Variants in SUMF1 observed in about 807,000 individuals in gnomAD.
SUMF1 encodes the protein formylglycine-generating enzyme.
A neutral mutation model predicts 47.6 loss-of-function variants in SUMF1; 48 were observed. The ratio of observed to expected loss-of-function variants is 1.01; its 90% CI spans 0.80 to 1.28. The LOEUF (loss-of-function observed/expected upper bound fraction) is 1.28, where lower values mean the gene tolerates loss of function less well. Ranked by LOEUF, SUMF1 falls within the 50% of genes most tolerant of loss-of-function variation. SUMF1 has a pLI of 0.00. For synonymous variants in SUMF1, 230 were observed against 192.1 expected (o/e 1.20, Z -1.63); for missense variants, 571 against 485.4 (o/e 1.18, Z -1.66).
chr3:4,044,361 A>G (rs886471420), intron 9 of SUMF1, among the ~76,000 whole-genome samples: 5 of 152,158 alleles, frequency 3.3e-5, no homozygotes, highest in African/African-American at 9.7e-5. Flanking sequence ...ACTGCCCATC[A>G]CCACTTTCCA....
intron 9 of SUMF1, among the ~76,000 whole-genome samples, chr3:4,058,901 A>G (rs1212743940): frequency 1.3e-5 from 2 of 152,282 alleles, no homozygotes; most frequent in East Asian, 3.9e-4. Context: ...TGAGATGTCA[A>G]TCTGGGAGGC....
chr3:4,388,980 T>C (rs1052793792), intron 7 of SUMF1, among the ~76,000 whole-genome samples: 27 of 152,192 alleles, frequency 1.8e-4, no homozygotes, highest in South Asian at 6.2e-4. Flanking sequence ...GTTTCAACTG[T>C]CAAATAAAAT....
At chr3:4,202,070 G>A (rs2125152990) in intron 8 of SUMF1, among the ~76,000 whole-genome samples, 1 of 152,006 alleles carries the variant, frequency 6.6e-6, no homozygotes, top group East Asian at 1.9e-4. Flanking sequence ...TCACACTGTT[G>A]ATTGTTTCCT....
intron 8 of SUMF1, among the ~76,000 whole-genome samples, chr3:4,248,626 A>G (rs993806584): frequency 1.3e-5 from 2 of 152,168 alleles, no homozygotes; most frequent in African/African-American, 4.8e-5. Flanking sequence ...GAATTGATAT[A>G]AGAAACATCC....
chr3:4,446,591 A>T (rs953706025), intron 3 of SUMF1, among the ~76,000 whole-genome samples: 4 of 152,240 alleles, frequency 2.6e-5, no homozygotes, highest in Non-Finnish European at 1.5e-5. Flanking sequence ...TTATAAAAAG[A>T]AGAAGCACCA....
intron 7 of SUMF1, 95 bp from the exon 8 acceptor site, chr3:4,376,484 A>C (rs2124846440): frequency 5.4e-4 from 700 of 1,294,762 alleles, no homozygotes; most frequent in Non-Finnish European, 7.3e-4. Flanking sequence ...CAGCTCTCTC[A>C]TGGTTGCCTA....
intron 8 of SUMF1, among the ~76,000 whole-genome samples, chr3:4,231,162 T>C (rs954137394): frequency 2.0e-5 from 3 of 152,084 alleles, no homozygotes; most frequent in African/African-American, 7.2e-5. Context: ...GCTGGCCTGC[T>C]AATAGCTAGG....
intron 1 of SUMF1, among the ~76,000 whole-genome samples, chr3:4,454,154 G>A (rs776262465): frequency 6.6e-6 from 1 of 152,140 alleles, no homozygotes; most frequent in Non-Finnish European, 1.5e-5. Flanking sequence ...GGGGCTGTTT[G>A]TATAATTCCT....
chr3:4,364,814 G>C (rs1003274533), intron 8 of SUMF1, among the ~76,000 whole-genome samples: 1 of 151,862 alleles, frequency 6.6e-6, no homozygotes, highest in Admixed American at 6.6e-5. Flanking sequence ...TAATTGTGAT[G>C]TTAGGGTATC....
chr3:4,140,823 A>G (rs1013416889), intron 8 of SUMF1, among the ~76,000 whole-genome samples: 3 of 152,098 alleles, frequency 2.0e-5, no homozygotes, highest in Non-Finnish European at 4.4e-5. Flanking sequence ...CTCTAGCTGT[A>G]AACTTTTTTA....
At chr3:4,392,808 G>A (rs1348283763) in intron 7 of SUMF1, among the ~76,000 whole-genome samples, 1 of 151,740 alleles carries the variant, frequency 6.6e-6, no homozygotes, top group East Asian at 1.9e-4. Context: ...CCCATGGTCT[G>A]TACCCACTGA....
intron 8 of SUMF1, among the ~76,000 whole-genome samples, chr3:4,297,266 T>C (rs1206729312): frequency 3.3e-5 from 5 of 152,122 alleles, no homozygotes; most frequent in African/African-American, 1.2e-4. Flanking sequence ...ACAAGGGAAA[T>C]GGTCACCAAA....
chr3:4,103,614 T>C (rs1425835534), intron 8 of SUMF1, among the ~76,000 whole-genome samples: 1 of 152,144 alleles, frequency 6.6e-6, no homozygotes, highest in East Asian at 1.9e-4. Context: ...TAATTGCAGC[T>C]TGACTTTCTT....
chr3:4,172,558 T>G (rs1227194321), intron 8 of SUMF1, among the ~76,000 whole-genome samples: 1 of 152,118 alleles, frequency 6.6e-6, no homozygotes, highest in Non-Finnish European at 1.5e-5. Flanking sequence ...ATGAGGAAAG[T>G]GAGGTTCAGA....
At chr3:4,349,337 G>T (rs1316090707) in intron 8 of SUMF1, among the ~76,000 whole-genome samples, 3 of 152,196 alleles carry the variant, frequency 2.0e-5, no homozygotes, top group Admixed American at 6.5e-5. Context: ...AGAAACAATA[G>T]AGGCTAGTGA....
chr3:4,430,191 C>T (rs150180415), intron 3 of SUMF1, among the ~76,000 whole-genome samples: 6 of 152,174 alleles, frequency 3.9e-5, no homozygotes, highest in African/African-American at 9.6e-5. Context: ...GTAGTAGGTA[C>T]GGAGAATAAA....
chr3:4,209,377 T>C (rs774191588), intron 8 of SUMF1, among the ~76,000 whole-genome samples: 43 of 152,290 alleles, frequency 2.8e-4, no homozygotes, highest in Non-Finnish European at 5.1e-4. Flanking sequence ...GTTTCTGTCA[T>C]TACCTGGTAG....
At chr3:4,456,012 G>T (rs190870443) in intron 1 of SUMF1, among the ~76,000 whole-genome samples, 3 of 152,204 alleles carry the variant, frequency 2.0e-5, no homozygotes, top group Admixed American at 2.0e-4. Context: ...GCACATTAAA[G>T]GGATCATATA....
chr3:4,274,548 C>T (rs1697374587), intron 8 of SUMF1, among the ~76,000 whole-genome samples: 1 of 152,082 alleles, frequency 6.6e-6, no homozygotes, highest in Non-Finnish European at 1.5e-5. Context: ...ATAGGTAAGA[C>T]TATATAAACA....
Sources: allele counts gnomAD v4.1 joint callset (sites outside exome capture counted in the v4.1 genomes callset), GRCh38; gene constraint gnomAD v4.1.1; transcripts MANE v1.5; gene names NCBI Gene and HGNC (gene_info 2026-07-23, HGNC 2026-07-21).